Variants in DBT observed in about 807,000 individuals in gnomAD.
The protein encoded by DBT is lipoamide acyltransferase component of branched-chain alpha-keto acid dehydrogenase complex, mitochondrial.
In DBT, 40 loss-of-function variants were observed where a neutral mutation model predicts 51.3. That is an observed-to-expected ratio of 0.78 (90% CI 0.61 to 1.02). The LOEUF (loss-of-function observed/expected upper bound fraction) is 1.02. Among genes scored for constraint, DBT ranks in the 50% least tolerant of loss-of-function variants. DBT has a pLI of 0.00. For synonymous variants in DBT, 181 were observed against 190.4 expected (o/e 0.95, Z 0.41); for missense variants, 510 against 580.2 (o/e 0.88, Z 1.24).
chr1:100,195,961 G>A lies in DBT; in HGVS notation c.*294C>T, dbSNP rs182492106. 15 of 397,626 alleles carry A rather than the reference G, an allele frequency of 3.8e-5. No individual in the cohort carries two copies. The East Asian group carries it at 4.0e-4, about 11-fold the overall frequency. The allele number at this position is 397,626 out of a possible 1,614,324, so 24.6% of individuals were successfully genotyped here. On this transcript the variant is annotated 3_prime_UTR_variant, in exon 11 of 11. Transcript: ENST00000370132. ...ATTACAGGCGTGAGCCACCATGCCC[G>A]GCCTAATTTTGTTAATCTTGCCAGT... is the stretch of plus-strand genomic sequence containing the variant.
intron 1 of DBT, among the ~76,000 whole-genome samples, chr1:100,244,601 G>A (rs1026904838): frequency 6.6e-6 from 1 of 152,114 alleles, no homozygotes; most frequent in Admixed American, 6.6e-5. Flanking sequence ...CCCGGTGGGT[G>A]CCTAAAACCA....
At chr1:100,213,385 C>G in intron 7 of DBT, 1 of 1,555,624 alleles carries the variant, frequency 6.4e-7, no homozygotes, top group African/African-American at 1.4e-5. Context: ...ACGGCTACGG[C>G]GCCATCCCCG....
rs1227251860 is a variant in DBT, at chr1:100,195,064, A to G, written c.*1191T>C. ...CTTATTTTTTATATCCATAATTACTATTAGACTCTTCCTTCTCCTCTTATT... is the reference window on the plus strand; with the variant it reads ...CTTATTTTTTATATCCATAATTACTGTTAGACTCTTCCTTCTCCTCTTATT... On this transcript the variant is annotated 3_prime_UTR_variant, in exon 11 of 11. Coordinates refer to ENST00000370132, the MANE Select transcript of DBT (RefSeq NM_001918.5). The G allele has an allele frequency of 1.3e-5, 2 of 152,472 alleles. No individual in the cohort carries two copies. The highest frequency in any genetic ancestry group is 2.9e-5 in the Non-Finnish European group (2 of 68,038). The allele number at this position is 152,472 out of a possible 1,614,324, so 9.4% of individuals were successfully genotyped here.
In DBT at chr1:100,200,342, G is replaced by A. The variant is rs532278981; in HGVS notation, c.1282-3920C>T. Among the ~76,000 whole-genome samples the A allele has an allele frequency of 5.9e-5, 9 of 152,298 alleles. No homozygotes were observed. The South Asian group carries it at 8.3e-4, about 14-fold the overall frequency. On this transcript the variant is annotated intron_variant, in intron 10 of 10. Coordinates refer to ENST00000370132, the MANE Select transcript of DBT (RefSeq NM_001918.5). ...GCAGCTCAGCAAAGCCACTGTATCC[G>A]GACTGCCTCTCTAGATTCCTCCTCT... is the stretch of plus-strand genomic sequence containing the variant.
At position 100,196,010 on chromosome 1, in the gene DBT, T is replaced by A; in HGVS notation, c.*245A>T. On this transcript the variant is annotated 3_prime_UTR_variant, in exon 11 of 11. Coordinates refer to ENST00000370132, the MANE Select transcript of DBT (RefSeq NM_001918.5). ...GTTTCAAGCCATTGACACAAAAACATCAGCACCATATTAAGAAGTCACACT... is the reference window on the plus strand; with the variant it reads ...GTTTCAAGCCATTGACACAAAAACAACAGCACCATATTAAGAAGTCACACT... 1.9e-6 allele frequency: 1 copy of A among 535,758 alleles called. No homozygotes were observed. Among genetic ancestry groups the A allele is most frequent in the Non-Finnish European group, 3.3e-6 (1 of 300,018 alleles). The allele number at this position is 535,758 out of a possible 1,614,324, so 33.2% of individuals were successfully genotyped here. A position where few individuals can be genotyped will look rare whatever the true frequency, so the allele number is the denominator to read the frequency against.
chr1:100,243,429 C>T (rs1166402576), intron 1 of DBT, among the ~76,000 whole-genome samples: 4 of 151,726 alleles, frequency 2.6e-5, no homozygotes. Flanking sequence ...ATTCTCGTGC[C>T]TCAGCCTCCC....
At chr1:100,213,501 A>G in intron 7 of DBT, 1 of 1,538,882 alleles carries the variant, frequency 6.5e-7, no homozygotes, top group Non-Finnish European at 9.0e-7. Flanking sequence ...TATCCTACCA[A>G]CTCTATCGTG....
chr1:100,203,027 A>G (rs1385535142), intron 10 of DBT, among the ~76,000 whole-genome samples: 1 of 152,188 alleles, frequency 6.6e-6, no homozygotes, highest in Admixed American at 6.5e-5. Context: ...CTAACATCAC[A>G]GTTAAAAGAA....
In DBT at chr1:100,230,583, G is replaced by A. The variant is rs1040052802; in HGVS notation, c.433+150C>T. ...TGTTGAACTTGCTACCTTTTTTCAC[G>A]TTGAAAAGATTACATTTCCTCAAGA... is the stretch of plus-strand genomic sequence containing the variant. On this transcript the variant is annotated intron_variant, in intron 4 of 10. Coordinates refer to ENST00000370132, the MANE Select transcript of DBT (RefSeq NM_001918.5). The A allele has an allele frequency of 4.4e-4, 235 of 540,178 alleles. 1 individual carries two copies. The East Asian group carries it at 4.8e-3, about 11-fold the overall frequency. The allele number at this position is 540,178 out of a possible 1,614,324, so 33.5% of individuals were successfully genotyped here.
chr1:100,219,087 C>T (rs1312721076), intron 4 of DBT, among the ~76,000 whole-genome samples: 2 of 152,124 alleles, frequency 1.3e-5, no homozygotes, highest in Non-Finnish European at 2.9e-5. Flanking sequence ...TACAGTGGCT[C>T]ACGCCTGCAA....
rs1663519518 is a variant in DBT, at chr1:100,230,857, A to G, written c.309T>C (p.Ser103=). ...TAGTGATGGTAACAGAAGCTTTATCACTTTGAACTTCACAGATGCTATCAA... is the reference window on the plus strand; with the variant it reads ...TAGTGATGGTAACAGAAGCTTTATCGCTTTGAACTTCACAGATGCTATCAA... The part of the protein sequence containing the change: ...SQFDSICEVQ[S]DKASVTITSR... Residue 103 remains serine (S), a synonymous_variant, in exon 4 of 11, where the codon AGT becomes AGC. Transcript: ENST00000370132. 3 of 1,608,706 alleles carry G rather than the reference A, an allele frequency of 1.9e-6. No individual in the cohort carries two copies. The highest frequency in any genetic ancestry group is 2.2e-5 in the East Asian group (1 of 44,754).
chr1:100,221,192 G>A (rs1335544979), intron 4 of DBT, among the ~76,000 whole-genome samples: 1 of 152,120 alleles, frequency 6.6e-6, no homozygotes, highest in East Asian at 1.9e-4. Context: ...TAACTTGAGT[G>A]TAAATATGAA....
intron 7 of DBT, chr1:100,213,257 T>G (rs979814716): frequency 7.0e-6 from 9 of 1,283,402 alleles, no homozygotes; most frequent in Non-Finnish European, 9.0e-6. Flanking sequence ...GTGCGCCGCG[T>G]CCCCGCCGGG....
chr1:100,225,252 C>G (rs530151585), intron 4 of DBT, among the ~76,000 whole-genome samples: 3 of 151,740 alleles, frequency 2.0e-5, no homozygotes, highest in South Asian at 2.1e-4. Context: ...ACCAGGCAAC[C>G]ACTCGTTGGT....
intron 8 of DBT, among the ~76,000 whole-genome samples, chr1:100,208,922 AAAAAG>A: frequency 6.7e-6 from 1 of 150,264 alleles, no homozygotes. Context: ...AAAAAAAAAA[AAAAAG>A]AAAAAGAAAA....
At chr1:100,208,664 GA>G (rs1281343168) in intron 8 of DBT, among the ~76,000 whole-genome samples, 1 of 151,774 alleles carries the variant, frequency 6.6e-6, no homozygotes, top group Non-Finnish European at 1.5e-5. Flanking sequence ...TTGGGAGGCT[GA>G]GGTGGGTGGA....
chr1:100,206,969 C>T (rs139400175), intron 8 of DBT, among the ~76,000 whole-genome samples: 1 of 152,192 alleles, frequency 6.6e-6, no homozygotes, highest in Non-Finnish European at 1.5e-5. Flanking sequence ...ATCCCAGCTA[C>T]TCGGGAGGCT....
intron 2 of DBT, among the ~76,000 whole-genome samples, chr1:100,238,247 C>T (rs1664007445): frequency 7.3e-6 from 1 of 137,066 alleles, no homozygotes; most frequent in Non-Finnish European, 1.6e-5. Context: ...CCCTCACTTC[C>T]TTTCCTCCCT....
At chr1:100,234,599 T>G (rs1333700854) in intron 3 of DBT, among the ~76,000 whole-genome samples, 3 of 152,166 alleles carry the variant, frequency 2.0e-5, no homozygotes, top group Non-Finnish European at 4.4e-5. Flanking sequence ...ACTCCAGAGG[T>G]TGGCAGAGCA....
Sources: gnomAD v4.1 joint callset for allele counts (sites outside exome capture counted in the v4.1 genomes callset) on GRCh38, gnomAD v4.1.1 for gene constraint, MANE v1.5 for transcripts, NCBI Gene and HGNC (gene_info 2026-07-23, HGNC 2026-07-21) for gene names.